The following PXDNL variants were observed in gnomAD, a reference collection of about 807,000 sequenced individuals.
PXDNL encodes peroxidasin like.
PXDNL carries 145 observed loss-of-function variants against 150.8 expected under a neutral mutation model. That is an observed-to-expected ratio of 0.96 (90% CI 0.84 to 1.10). The LOEUF (loss-of-function observed/expected upper bound fraction) is 1.10, where lower values mean the gene tolerates loss of function less well. PXDNL is among the 50% of genes least tolerant of loss of function. PXDNL has a pLI of 0.00. For synonymous variants in PXDNL, 757 were observed against 725.7 expected, an observed-to-expected ratio of 1.04 and a Z score of -0.69; for missense variants, 2,087 against 1,873.9, an observed-to-expected ratio of 1.11 and a Z score of -2.10.
chr8:51,371,395 T>C (rs545192914), intron 19 of PXDNL, among the ~76,000 whole-genome samples: 3 of 152,326 alleles, frequency 2.0e-5, no homozygotes, highest in African/African-American at 7.2e-5. Flanking sequence ...TATCACCAAT[T>C]CTGTTGTGTC....
chr8:51,501,564 A>C (rs1180641775), intron 4 of PXDNL, among the ~76,000 whole-genome samples: 2 of 151,756 alleles, frequency 1.3e-5, no homozygotes, highest in Non-Finnish European at 2.9e-5. Context: ...TCACACTCAG[A>C]TACACATCTA....
chr8:51,703,686 C>A (rs532216965), intron 1 of PXDNL, among the ~76,000 whole-genome samples: 8 of 152,236 alleles, frequency 5.3e-5, no homozygotes, highest in Admixed American at 5.2e-4. Context: ...CCTAGTCCTG[C>A]GAGTAACTTC....
At chr8:51,492,963 T>G (rs1486544452) in intron 5 of PXDNL, among the ~76,000 whole-genome samples, 1 of 152,208 alleles carries the variant, frequency 6.6e-6, no homozygotes. Context: ...GCTGGAGACC[T>G]GAGAATGGAC....
At chr8:51,544,058 C>T (rs978095650) in intron 4 of PXDNL, among the ~76,000 whole-genome samples, 4 of 152,184 alleles carry the variant, frequency 2.6e-5, no homozygotes, top group Non-Finnish European at 5.9e-5. Flanking sequence ...AAAGAGTCCT[C>T]TGTGCCATTT....
chr8:51,366,877 C>G (rs2130768946), intron 19 of PXDNL, among the ~76,000 whole-genome samples: 1 of 151,904 alleles, frequency 6.6e-6, no homozygotes, highest in Admixed American at 6.6e-5. Context: ...CCGAGGCAGG[C>G]AGATCACAAG....
At chr8:51,529,366 G>T (rs1811838883) in intron 4 of PXDNL, among the ~76,000 whole-genome samples, 1 of 152,166 alleles carries the variant, frequency 6.6e-6, no homozygotes, top group Non-Finnish European at 1.5e-5. Context: ...AAAGTCAAAT[G>T]CTGCTTCCAC....
intron 4 of PXDNL, among the ~76,000 whole-genome samples, chr8:51,546,892 G>C (rs1812371669): frequency 6.6e-6 from 1 of 152,132 alleles, no homozygotes; most frequent in Admixed American, 6.5e-5. Flanking sequence ...CCAGTTCTCT[G>C]AAAACCTGAA....
chr8:51,658,344 G>GAAAAAAAAAAAAAAAAAAAAAAA (rs34771782), intron 1 of PXDNL, among the ~76,000 whole-genome samples: 1 of 94,232 alleles, frequency 1.1e-5, no homozygotes, highest in Non-Finnish European at 2.1e-5. Context: ...CCTGTCTCAA[G>GAAAAAAAAAAAAAAAAAAAAAAA]AAAAAAAAAA....
In PXDNL at chr8:51,464,768, G is replaced by C. The variant is rs1365305332; in HGVS notation, c.813-7101C>G. 2.6e-5 allele frequency among the ~76,000 whole-genome samples: 4 copies of C among 152,268 alleles called. No individual in the cohort carries two copies. The East Asian group carries it at 7.7e-4, about 29-fold the overall frequency. ...AGCATTAGGAGAAATACCTAATGTA[G>C]ATGACAGGTTGATGGGTGCAGAAAC... On this transcript the variant is annotated intron_variant, in intron 8 of 22. Coordinates refer to ENST00000356297, the MANE Select transcript of PXDNL (RefSeq NM_144651.5).
intron 1 of PXDNL, among the ~76,000 whole-genome samples, chr8:51,676,968 A>C (rs1241131451): frequency 6.6e-6 from 1 of 152,246 alleles, no homozygotes; most frequent in Non-Finnish European, 1.5e-5. Context: ...CAAGATACGA[A>C]GAAAAACGAA....
intron 21 of PXDNL, among the ~76,000 whole-genome samples, chr8:51,338,201 A>G (rs1193505316): frequency 3.3e-5 from 5 of 151,634 alleles, no homozygotes; most frequent in African/African-American, 1.2e-4. Flanking sequence ...AAAAAAAAAA[A>G]AGGGAAAAAA....
chr8:51,375,016 AGTATAACT>A (rs1807261087), intron 17 of PXDNL, among the ~76,000 whole-genome samples: 1 of 152,068 alleles, frequency 6.6e-6, no homozygotes, highest in Non-Finnish European at 1.5e-5. Context: ...AAACATATGG[AGTATAACT>A]GTATATATAT....
intron 4 of PXDNL, among the ~76,000 whole-genome samples, chr8:51,543,985 C>T (rs1028763334): frequency 3.3e-5 from 5 of 152,108 alleles, no homozygotes; most frequent in Admixed American, 2.6e-4. Context: ...TTAACATCAG[C>T]ATTATTAAAC....
intron 8 of PXDNL, among the ~76,000 whole-genome samples, chr8:51,463,038 A>G (rs760796006): frequency 1.3e-5 from 2 of 152,232 alleles, no homozygotes; most frequent in Admixed American, 6.5e-5. Context: ...ACTAAACTTT[A>G]TAAGTGAAGG....
At chr8:51,712,635 G>A (rs1816523434) in intron 1 of PXDNL, among the ~76,000 whole-genome samples, 1 of 152,142 alleles carries the variant, frequency 6.6e-6, no homozygotes, top group Non-Finnish European at 1.5e-5. Flanking sequence ...GACAACCTTA[G>A]TTATTACAGT....
chr8:51,437,361 A>C (rs1447610843), intron 12 of PXDNL, among the ~76,000 whole-genome samples: 1 of 152,136 alleles, frequency 6.6e-6, no homozygotes, highest in East Asian at 1.9e-4. Flanking sequence ...TCCTAATACC[A>C]AAAACCAGGA....
chr8:51,770,216 C>A (rs2037278013), intron 1 of PXDNL, among the ~76,000 whole-genome samples: 2 of 152,238 alleles, frequency 1.3e-5, no homozygotes, highest in South Asian at 4.1e-4. Flanking sequence ...TGAATAAAAT[C>A]TTTTCTCCAC....
At chr8:51,383,588 T>C (rs1807611441) in intron 17 of PXDNL, among the ~76,000 whole-genome samples, 1 of 152,222 alleles carries the variant, frequency 6.6e-6, no homozygotes, top group African/African-American at 2.4e-5. Context: ...TAAAATCTCC[T>C]GGCTTTGTTA....
chr8:51,556,912 C>G lies in PXDNL; in HGVS notation c.309-1G>C, dbSNP rs1376655240. 1 of 1,508,736 alleles carries G rather than the reference C, an allele frequency of 6.6e-7. No individual in the cohort carries two copies. Among genetic ancestry groups the G allele is most frequent in the African/African-American group, 1.4e-5 (1 of 72,490 alleles). The allele number at this position is 1,508,736 out of a possible 1,614,324, so 93.5% of individuals were successfully genotyped here. On this transcript the variant is annotated splice_acceptor_variant, in intron 3 of 22. Transcript: ENST00000356297. LOFTEE classifies it high-confidence loss of function. Reference sequence around the variant, plus strand: ...ATGGATTTCATTCTTATACAGGTACCTGGAAAATATATAGAATGTCATTAA... The same window carrying G: ...ATGGATTTCATTCTTATACAGGTACGTGGAAAATATATAGAATGTCATTAA...
Sources: allele counts gnomAD v4.1 joint callset (sites outside exome capture counted in the v4.1 genomes callset), GRCh38; gene constraint gnomAD v4.1.1; transcripts MANE v1.5; gene names NCBI Gene and HGNC (gene_info 2026-07-23, HGNC 2026-07-21).